CCDC141: variants seen among roughly 807,000 people sequenced by gnomAD.
CCDC141 encodes coiled-coil domain containing 141.
CCDC141 carries 168 observed loss-of-function variants against 181.0 expected under a neutral mutation model. That is an observed-to-expected ratio of 0.93 (90% CI 0.82 to 1.05). CCDC141 has a LOEUF of 1.05. Ranked by LOEUF, CCDC141 falls within the 50% of genes least tolerant of loss-of-function variation. The pLI is 0.00. For synonymous variants in CCDC141, 666 were observed against 642.3 expected (o/e 1.04, Z -0.56); for missense variants, 1,902 against 1,788.5 (o/e 1.06, Z -1.14).
intron 8 of CCDC141, among the ~76,000 whole-genome samples, chr2:178,893,823 GCACA>G (rs34654821): frequency 0.037 from 5,299 of 141,942 alleles, 145 homozygotes; most frequent in African/African-American, 0.078. Flanking sequence ...ACACACACAC[GCACA>G]CACACACACA....
intron 15 of CCDC141, 122 bp from the exon 16 acceptor site, chr2:178,868,327 T>C: frequency 1.3e-6 from 1 of 745,078 alleles, no homozygotes; most frequent in Non-Finnish European, 2.2e-6. Context: ...ATCTTTAAAC[T>C]GTTGGCATTA....
the CCDC141 span, among the ~76,000 whole-genome samples, chr2:178,820,382 T>A: frequency 6.6e-6 from 1 of 152,158 alleles, no homozygotes; most frequent in Non-Finnish European, 1.5e-5. Flanking sequence ...ACGCTCAGGG[T>A]GGTTTTGACT....
chr2:179,025,566 C>T (rs1213505269), intron 2 of CCDC141, among the ~76,000 whole-genome samples: 2 of 152,244 alleles, frequency 1.3e-5, no homozygotes, highest in Non-Finnish European at 2.9e-5. Context: ...CATTAAGCCT[C>T]TCTCTTTTGT....
chr2:178,905,325 T>C lies in CCDC141; in HGVS notation c.1265+4A>G, dbSNP rs116704933. On this transcript the variant is annotated splice_donor_region_variant and intron_variant, in intron 8 of 23. Coordinates refer to ENST00000443758, the MANE Select transcript of CCDC141 (RefSeq NM_173648.4). ...ACACTGAGAAAGAAATCAACTTTAC[T>C]CACCTGCAGGAGTCTACTTGGCTGA... 3.4e-5 allele frequency: 52 copies of C among 1,538,814 alleles called. No homozygotes were observed. In the African/African-American group the frequency reaches 6.9e-4, roughly 20 times the overall value.
chr2:178,970,110 G>A (rs1483810733), intron 4 of CCDC141, among the ~76,000 whole-genome samples: 1 of 152,106 alleles, frequency 6.6e-6, no homozygotes, highest in African/African-American at 2.4e-5. Context: ...CACCGCTCAA[G>A]GAAATAAGAG....
At chr2:178,874,040 A>G (rs1307506337) in intron 12 of CCDC141, 1 of 152,186 alleles carries the variant, frequency 6.6e-6, no homozygotes, top group Non-Finnish European at 1.5e-5. Context: ...CTGGCTTGAA[A>G]ATATGAGCCA....
Position 178,868,201 on chromosome 2 carries a change from C to G in CCDC141, c.2399G>C (p.Gly800Ala). Residue 800 changes from glycine to alanine, a missense_variant, in exon 16 of 24, where the codon GGA becomes GCA. Coordinates refer to ENST00000443758, the MANE Select transcript of CCDC141 (RefSeq NM_173648.4). ...VQFHQVKEELGRLIKSRELEF... is the reference protein window; with the variant it reads ...VQFHQVKEELARLIKSRELEF... The stretch of plus-strand genomic sequence containing the variant: ...CAGCTCTCTTGATTTGATGAGACGT[C>G]CCAGCTACAATTTAGGGCATTAACA... The G allele has an allele frequency of 6.2e-7, 1 of 1,605,984 alleles. No individual in the cohort carries two copies. Among genetic ancestry groups the G allele is most frequent in the Non-Finnish European group, 8.5e-7 (1 of 1,173,258 alleles).
At chr2:178,867,702 C>T (rs2154368780) in intron 16 of CCDC141, among the ~76,000 whole-genome samples, 1 of 152,070 alleles carries the variant, frequency 6.6e-6, no homozygotes, top group South Asian at 2.1e-4. Context: ...AAAATTAAAA[C>T]TTTAGTTTTT....
At chr2:178,899,071 C>A (rs1184799549) in intron 8 of CCDC141, among the ~76,000 whole-genome samples, 2 of 152,010 alleles carry the variant, frequency 1.3e-5, no homozygotes, top group African/African-American at 4.8e-5. Context: ...ACATTTCAAT[C>A]AACAATGGCG....
chr2:179,015,105 A>ATATATATATATAT (rs2042417495), intron 2 of CCDC141, among the ~76,000 whole-genome samples: 1 of 21,360 alleles, frequency 4.7e-5, no homozygotes, highest in African/African-American at 1.1e-4. Flanking sequence ...TATATATATA[A>ATATATATATATAT]TATATATATA....
intron 2 of CCDC141, among the ~76,000 whole-genome samples, chr2:178,994,521 C>T (rs1692197127): frequency 6.6e-6 from 1 of 152,200 alleles, no homozygotes; most frequent in Non-Finnish European, 1.5e-5. Context: ...TCCTCCTAGG[C>T]CTCCAGGCCT....
chr2:178,817,737 CTCTTTT>C, the CCDC141 span: 7 of 306,080 alleles, frequency 2.3e-5, no homozygotes, highest in South Asian at 2.1e-4. Flanking sequence ...TATTTTCGTT[CTCTTTT>C]TCTTTATCTC....
chr2:178,900,476 T>C (rs1249510839), intron 8 of CCDC141, among the ~76,000 whole-genome samples: 1 of 152,298 alleles, frequency 6.6e-6, no homozygotes, highest in Admixed American at 6.5e-5. Flanking sequence ...GTTTATGAAA[T>C]GAAGATGTCC....
intron 8 of CCDC141, among the ~76,000 whole-genome samples, chr2:178,904,912 G>T (rs1447456615): frequency 1.3e-5 from 2 of 152,146 alleles, no homozygotes. Flanking sequence ...GTCATAACTG[G>T]AAGGAAATTC....
chr2:179,047,354 T>G lies in CCDC141; in HGVS notation c.155A>C (p.Glu52Ala), dbSNP rs1157062217. 1.3e-6 allele frequency: 2 copies of G among 1,541,392 alleles called. No individual in the cohort carries two copies. The highest frequency in any genetic ancestry group is 1.7e-6 in the Non-Finnish European group (2 of 1,144,344). The stretch of plus-strand genomic sequence containing the variant: ...GGTTTCATCTTGACTGCTGCCAATT[T>G]CTAGAAGATTGGGCTGTGATTCAGC... ...QLAESQPNLL[E>A]IGSSQDETKK... The change falls in exon 2 of 24, where the codon GAA becomes GCA. Residue 52 changes from glutamate to alanine, a missense_variant. Glu to Ala is a moderately radical substitution (Grantham distance 107). Transcript: ENST00000443758.
At chr2:178,994,419 A>G (rs1433025087) in intron 2 of CCDC141, among the ~76,000 whole-genome samples, 1 of 152,204 alleles carries the variant, frequency 6.6e-6, no homozygotes, top group Non-Finnish European at 1.5e-5. Flanking sequence ...GGTCCCTTTC[A>G]GCCATGGCTG....
Position 179,049,935 on chromosome 2 carries a change from T to A in CCDC141, c.7A>T (p.Ser3Cys), listed in dbSNP as rs1232874109. 5 of 1,550,552 alleles carry A rather than the reference T, an allele frequency of 3.2e-6. No individual in the cohort carries two copies. In the East Asian group the frequency reaches 1.2e-4, roughly 38 times the overall value. The change falls in exon 1 of 24, where the codon AGC (serine) becomes TGC (cysteine). Residue 3 changes from serine (S) to cysteine (C), a missense_variant. Transcript: ENST00000443758. ...AGCGCAACACTAGGACTTCCTTGGC[T>A]GGACATGGTACTTTAGAACCAGAGT... MS[S>C]QGSPSVALST... is the part of the protein sequence containing the mutation.
chr2:178,867,994 G>A, intron 16 of CCDC141, 32 bp downstream of exon 16: 2 of 1,545,752 alleles, frequency 1.3e-6, no homozygotes, highest in Non-Finnish European at 1.8e-6. Flanking sequence ...AGCTAGAACT[G>A]AGTCTAAATG....
At chr2:179,009,592 T>C (rs886867081) in intron 2 of CCDC141, among the ~76,000 whole-genome samples, 1 of 149,646 alleles carries the variant, frequency 6.7e-6, no homozygotes, top group Non-Finnish European at 1.5e-5. Flanking sequence ...GGGGGTTGTC[T>C]GCACAGAGTC....
Sources: gnomAD v4.1 joint callset for allele counts (sites outside exome capture counted in the v4.1 genomes callset) on GRCh38, gnomAD v4.1.1 for gene constraint, MANE v1.5 for transcripts, NCBI Gene and HGNC (gene_info 2026-07-23, HGNC 2026-07-21) for gene names.